Variants in MCTP2 observed in about 807,000 individuals in gnomAD.
MCTP2 encodes multiple C2 and transmembrane domain-containing protein 2.
MCTP2 carries 132 observed loss-of-function variants against 111.6 expected under a neutral mutation model. The ratio of observed to expected loss-of-function variants is 1.18; its 90% CI spans 1.03 to 1.37. MCTP2 has a LOEUF of 1.37. Ranked by LOEUF, MCTP2 falls within the 40% of genes most tolerant of loss-of-function variation. MCTP2 has a pLI of 0.00. For synonymous variants in MCTP2, 395 were observed against 387.7 expected (o/e 1.02, Z -0.22); for missense variants, 1,183 against 1,067.9 (o/e 1.11, Z -1.50).
At chr15:94,304,814 C>T (rs1027996848) in intron 2 of MCTP2, among the ~76,000 whole-genome samples, 5 of 152,170 alleles carry the variant, frequency 3.3e-5, no homozygotes, top group African/African-American at 1.2e-4. Context: ...TCTCTGTGAG[C>T]CCACTTAGTC....
At chr15:94,353,562 A>G (rs771444053) in intron 8 of MCTP2, among the ~76,000 whole-genome samples, 2 of 152,196 alleles carry the variant, frequency 1.3e-5, no homozygotes, top group African/African-American at 4.8e-5. Flanking sequence ...TTCTTAAGCA[A>G]TTGCCAGACT....
At chr15:94,278,593 T>G (rs957717480) in intron 1 of MCTP2, among the ~76,000 whole-genome samples, 2 of 152,148 alleles carry the variant, frequency 1.3e-5, no homozygotes, top group East Asian at 1.9e-4. Flanking sequence ...TCAACTGTTA[T>G]TTTAGTTTCA....
intron 5 of MCTP2, 73 bp from the exon 6 acceptor site, chr15:94,340,126 A>C: frequency 1.0e-6 from 1 of 996,046 alleles, no homozygotes; most frequent in Non-Finnish European, 1.6e-6. Flanking sequence ...AACCTATTGC[A>C]TTTGTTAATA....
chr15:94,459,338 A>G (rs1225709697), intron 20 of MCTP2, among the ~76,000 whole-genome samples: 1 of 152,252 alleles, frequency 6.6e-6, no homozygotes, highest in African/African-American at 2.4e-5. Context: ...AATAAATGAT[A>G]TTAACATCAG....
chr15:94,261,481 G>C (rs1417569756), intron 1 of MCTP2, among the ~76,000 whole-genome samples: 1 of 152,182 alleles, frequency 6.6e-6, no homozygotes, highest in Non-Finnish European at 1.5e-5. Flanking sequence ...AATGTATAAA[G>C]TAGGGGCTTT....
At chr15:94,328,688 T>C (rs1446322082) in intron 4 of MCTP2, among the ~76,000 whole-genome samples, 1 of 152,192 alleles carries the variant, frequency 6.6e-6, no homozygotes, top group Non-Finnish European at 1.5e-5. Context: ...GTGTTATTCT[T>C]GAGACTCTCT....
Position 94,298,659 on chromosome 15 carries a change from C to T in MCTP2, c.394C>T (p.Arg132Trp), listed in dbSNP as rs143853824. 26 of 1,613,764 alleles carry T rather than the reference C, an allele frequency of 1.6e-5. No individual in the cohort carries two copies. Among genetic ancestry groups the T allele is most frequent in the South Asian group, 9.9e-5 (9 of 91,060 alleles). The part of the protein sequence containing the change: ...EAYASPAERR[R>W]VSSNGIFDLQ... ...CTATGCCTCTCCTGCTGAGCGGAGACGGGTGTCCAGCAACGGCATCTTTGA... is the reference window on the plus strand; with the variant it reads ...CTATGCCTCTCCTGCTGAGCGGAGATGGGTGTCCAGCAACGGCATCTTTGA... Residue 132 changes from arginine (R) to tryptophan (W), a missense_variant, in exon 2 of 23, where the codon CGG (arginine) becomes TGG (tryptophan). Arg to Trp is a moderately radical substitution (Grantham distance 101). Transcript: ENST00000357742.
intron 17 of MCTP2, among the ~76,000 whole-genome samples, chr15:94,430,582 A>G (rs2083130337): frequency 6.7e-6 from 1 of 149,094 alleles, no homozygotes; most frequent in Non-Finnish European, 1.5e-5. Context: ...AAATACAAAA[A>G]AAAAAAAAAA....
chr15:94,298,816 C>T, intron 2 of MCTP2, 86 bp downstream of exon 2: 1 of 638,440 alleles, frequency 1.6e-6, no homozygotes, highest in Non-Finnish European at 2.3e-6. Context: ...CCATCTCCCT[C>T]TCTCTTCCCC....
chr15:94,416,905 C>G (rs1337857673), intron 17 of MCTP2, among the ~76,000 whole-genome samples: 1 of 152,120 alleles, frequency 6.6e-6, no homozygotes, highest in Non-Finnish European at 1.5e-5. Flanking sequence ...CTACCACTAC[C>G]CCGAAGGCTG....
rs192342594 is a variant in MCTP2, at chr15:94,284,456, A to G, written c.-65-13745A>G. 3.6e-4 allele frequency among the ~76,000 whole-genome samples: 55 copies of G among 152,346 alleles called. 3 individuals are homozygous for G. The highest frequency in any genetic ancestry group is 2.5e-3 in the Admixed American group (39 of 15,312). On this transcript the variant is annotated intron_variant, in intron 1 of 22. Coordinates refer to ENST00000357742, the MANE Select transcript of MCTP2 (RefSeq NM_001385001.1). ...TCTGTGGAACATTAATCAATATATT[A>G]TAGATCTTTCCATAATGCAATCCTA...
chr15:94,330,565 C>G (rs1402987952), intron 4 of MCTP2, among the ~76,000 whole-genome samples: 2 of 151,924 alleles, frequency 1.3e-5, no homozygotes, highest in African/African-American at 4.8e-5. Flanking sequence ...AGTATTCTAG[C>G]TGCTGCCTCT....
chr15:94,443,033 A>T, intron 19 of MCTP2, 73 bp downstream of exon 19: 72 of 1,054,174 alleles, frequency 6.8e-5, no homozygotes, highest in Non-Finnish European at 8.9e-5. Context: ...CTTCAGGTTG[A>T]GTCTCTCTCC....
In MCTP2 at chr15:94,476,802, T is replaced by C. The variant is rs751897810; in HGVS notation, c.2568+9T>C. On this transcript the variant is annotated intron_variant, in intron 22 of 22. Transcript: ENST00000357742. ...CGTCTGATGTTCAAAAGGTATGTAA[T>C]GAATGGTTACCACCAACAGTGGCCC... The C allele has an allele frequency of 3.3e-6, 5 of 1,497,760 alleles. No individual in the cohort carries two copies. The highest frequency in any genetic ancestry group is 1.7e-5 in the Admixed American group (1 of 59,584). The allele number at this position is 1,497,760 out of a possible 1,614,324, so 92.8% of individuals were successfully genotyped here.
intron 21 of MCTP2, among the ~76,000 whole-genome samples, chr15:94,475,927 A>G (rs1441202686): frequency 6.6e-6 from 1 of 152,186 alleles, no homozygotes; most frequent in Non-Finnish European, 1.5e-5. Flanking sequence ...GTTTCTAATT[A>G]TCCTTGTCCT....
At chr15:94,362,058 T>C (rs1039605787) in intron 10 of MCTP2, among the ~76,000 whole-genome samples, 2 of 152,088 alleles carry the variant, frequency 1.3e-5, no homozygotes, top group African/African-American at 4.8e-5. Context: ...CTAAAAACAC[T>C]GGGGTTGGTG....
At chr15:94,298,965 C>G (rs2075445296) in intron 2 of MCTP2, among the ~76,000 whole-genome samples, 1 of 11,760 alleles carries the variant, frequency 8.5e-5, no homozygotes, top group African/African-American at 1.1e-3. Flanking sequence ...CTCTCTCCCT[C>G]TCTCCCTCTC....
intron 8 of MCTP2, among the ~76,000 whole-genome samples, chr15:94,346,207 A>T (rs1485792685): frequency 6.6e-6 from 1 of 152,210 alleles, no homozygotes; most frequent in Non-Finnish European, 1.5e-5. Flanking sequence ...AAACTTTCAA[A>T]TCTTGCTTTT....
intron 1 of MCTP2, among the ~76,000 whole-genome samples, chr15:94,261,542 C>T (rs1407200700): frequency 6.6e-6 from 1 of 152,154 alleles, no homozygotes; most frequent in African/African-American, 2.4e-5. Flanking sequence ...ATATAAATTA[C>T]GTCTGTAACA....
Sources: gnomAD v4.1 joint callset for allele counts (sites outside exome capture counted in the v4.1 genomes callset) on GRCh38, gnomAD v4.1.1 for gene constraint, MANE v1.5 for transcripts, NCBI Gene and HGNC (gene_info 2026-07-23, HGNC 2026-07-21) for gene names.